PARD6B: variants seen among roughly 807,000 people sequenced by gnomAD.
The protein encoded by PARD6B is par-6 family cell polarity regulator beta.
In PARD6B, 4 loss-of-function variants were observed where a neutral mutation model predicts 10.5. That is an observed-to-expected ratio of 0.38 (90% CI 0.19 to 0.87). The LOEUF (loss-of-function observed/expected upper bound fraction) is 0.87. Among genes scored for constraint, PARD6B ranks in the 40% least tolerant of loss-of-function variants. PARD6B has a pLI of 0.41. For missense variants in PARD6B, 396 were observed against 470.6 expected, an observed-to-expected ratio of 0.84 and a Z score of 1.47; for synonymous variants, 169 against 170.4, an observed-to-expected ratio of 0.99 and a Z score of 0.07.
intron 2 of PARD6B, among the ~76,000 whole-genome samples, chr20:50,742,569 TTAGCC>T (rs917556475): frequency 6.6e-6 from 1 of 151,758 alleles, no homozygotes; most frequent in Non-Finnish European, 1.5e-5. Flanking sequence ...TTTCACGACG[TTAGCC>T]AGGCTGGTCT....
chr20:50,744,105 C>CTTTTTTTTT (rs753435244), intron 2 of PARD6B, among the ~76,000 whole-genome samples: 4 of 77,830 alleles, frequency 5.1e-5, no homozygotes, highest in African/African-American at 1.0e-4. Context: ...GAAGTAGCTT[C>CTTTTTTTTT]TTTTTTTTTT....
At position 50,750,786 on chromosome 20, in the gene PARD6B, T is replaced by G; in HGVS notation, c.*298T>G. The G allele has an allele frequency of 1.8e-6, 2 of 1,127,556 alleles. No individual in the cohort carries two copies. The highest frequency in any genetic ancestry group is 2.2e-6 in the Non-Finnish European group (2 of 917,844). 69.8% of individuals were successfully genotyped at this position (1,127,556 alleles called of 1,614,324 possible). A position where few individuals can be genotyped will look rare whatever the true frequency, so the allele number is the denominator to read the frequency against. On this transcript the variant is annotated 3_prime_UTR_variant, in exon 3 of 3. Transcript: ENST00000371610. ...CATTCTTGGAACTATGTGAGAAGAC[T>G]AGATCATTTCTGTTGGAAGTGGTTG...
chr20:50,738,351 A>G (rs889269040), intron 2 of PARD6B, among the ~76,000 whole-genome samples: 1 of 152,226 alleles, frequency 6.6e-6, no homozygotes, highest in Middle Eastern at 3.2e-3. Context: ...GAAATTGGGA[A>G]TTTATTGAAT....
At chr20:50,746,827 C>A (rs937562091) in intron 2 of PARD6B, among the ~76,000 whole-genome samples, 1 of 152,154 alleles carries the variant, frequency 6.6e-6, no homozygotes, top group African/African-American at 2.4e-5. Context: ...TGGAATTTCC[C>A]TTATAAATGT....
At chr20:50,733,436 CA>C (rs754765392) in intron 1 of PARD6B, among the ~76,000 whole-genome samples, 50 of 151,510 alleles carry the variant, frequency 3.3e-4, no homozygotes, top group Non-Finnish European at 6.0e-4. Context: ...AAAAACAAAA[CA>C]AAACAAAAAC....
chr20:50,752,881 T>G lies in PARD6B; in HGVS notation c.*2393T>G. On this transcript the variant is annotated 3_prime_UTR_variant, in exon 3 of 3. Transcript: ENST00000371610. ...TTATGTAATACGTTGTACTTTTTGT[T>G]GAATTCACCGAAGTTCTTCCATTTA... 1 of 982,756 alleles carries G rather than the reference T, an allele frequency of 1.0e-6. No individual in the cohort carries two copies. The highest frequency in any genetic ancestry group is 1.2e-6 in the Non-Finnish European group (1 of 827,102). 60.9% of individuals were successfully genotyped at this position (982,756 alleles called of 1,614,324 possible). A position where few individuals can be genotyped will look rare whatever the true frequency, so the allele number is the denominator to read the frequency against.
rs916987315 is a variant in PARD6B at position 50,752,735 on chromosome 20, T to G, written c.*2247T>G. On this transcript the variant is annotated 3_prime_UTR_variant, in exon 3 of 3. Transcript: ENST00000371610. The stretch of plus-strand genomic sequence containing the variant: ...CGCTTTGAAGGATGTTTTCTCTATA[T>G]GGTAAAATATATATGAAGAAGTCTT... 1 of 981,778 alleles carries G rather than the reference T, an allele frequency of 1.0e-6. No individual in the cohort carries two copies. The highest frequency in any genetic ancestry group is 1.2e-6 in the Non-Finnish European group (1 of 826,306). 60.8% of individuals were successfully genotyped at this position (981,778 alleles called of 1,614,324 possible).
intron 2 of PARD6B, among the ~76,000 whole-genome samples, chr20:50,739,704 A>G (rs1210842531): frequency 6.6e-6 from 1 of 152,102 alleles, no homozygotes. Flanking sequence ...GTTTCCTGAG[A>G]TGGATCTCAA....
chr20:50,752,327 A>G lies in PARD6B; in HGVS notation c.*1839A>G. On this transcript the variant is annotated 3_prime_UTR_variant, in exon 3 of 3. Coordinates refer to ENST00000371610, the MANE Select transcript of PARD6B (RefSeq NM_032521.3). Reference sequence around the variant, plus strand: ...CATAGGACAAACTTGTGCACTTTTTATGCCAAAAAAAAAAAAAATTGGGTT... The same window carrying G: ...CATAGGACAAACTTGTGCACTTTTTGTGCCAAAAAAAAAAAAAATTGGGTT... 4.4e-6 allele frequency: 4 copies of G among 918,678 alleles called. No individual in the cohort carries two copies. The highest frequency in any genetic ancestry group is 5.0e-6 in the Non-Finnish European group (4 of 804,412). 56.9% of individuals were successfully genotyped at this position (918,678 alleles called of 1,614,324 possible).
Position 50,750,668 on chromosome 20 carries a change from C to T in PARD6B, c.*180C>T, listed in dbSNP as rs1376320899. On this transcript the variant is annotated 3_prime_UTR_variant, in exon 3 of 3. Coordinates refer to ENST00000371610, the MANE Select transcript of PARD6B (RefSeq NM_032521.3). Reference sequence around the variant, plus strand: ...ATTGTTAATATAAACTTTGGTGGATCAGAGGTGAATTTAAGTCCAAAACAA... The same window carrying T: ...ATTGTTAATATAAACTTTGGTGGATTAGAGGTGAATTTAAGTCCAAAACAA... The T allele has an allele frequency of 1.4e-6, 2 of 1,383,008 alleles. No individual in the cohort carries two copies. The highest frequency in any genetic ancestry group is 2.9e-5 in the African/African-American group (2 of 68,046). The allele number at this position is 1,383,008 out of a possible 1,614,324, so 85.7% of individuals were successfully genotyped here.
chr20:50,738,107 G>A, intron 2 of PARD6B, 28 bp downstream of exon 2: 2 of 1,497,746 alleles, frequency 1.3e-6, no homozygotes, highest in East Asian at 2.4e-5. Flanking sequence ...GAAAAATTGT[G>A]TTAGAAATAG....
chr20:50,748,767 C>T (rs2087583212), intron 2 of PARD6B, among the ~76,000 whole-genome samples: 1 of 152,124 alleles, frequency 6.6e-6, no homozygotes, highest in Non-Finnish European at 1.5e-5. Flanking sequence ...GATCCACTCA[C>T]CATGGCCTCC....
At chr20:50,736,114 C>T (rs1002290375) in intron 1 of PARD6B, among the ~76,000 whole-genome samples, 1 of 152,118 alleles carries the variant, frequency 6.6e-6, no homozygotes, top group African/African-American at 2.4e-5. Context: ...GTTTTGGGAA[C>T]TATTTTAATT....
In PARD6B at chr20:50,753,077, T is replaced by C. The variant is rs6096084; in HGVS notation, c.*2589T>C. The C allele has an allele frequency of 1.8e-4, 151 of 837,734 alleles. No individual in the cohort carries two copies. Among genetic ancestry groups the C allele is most frequent in the Non-Finnish European group, 1.9e-4 (139 of 717,670 alleles). The allele number at this position is 837,734 out of a possible 1,614,324, so 51.9% of individuals were successfully genotyped here. On this transcript the variant is annotated 3_prime_UTR_variant, in exon 3 of 3. Transcript: ENST00000371610. ...ATATTTTTACACACTACCTCTCTCTTTTTTTTTTTAAAGTTTTAACATCAG... is the reference window on the plus strand; with the variant it reads ...ATATTTTTACACACTACCTCTCTCTCTTTTTTTTTAAAGTTTTAACATCAG...
chr20:50,733,943 C>T (rs528303937), intron 1 of PARD6B, among the ~76,000 whole-genome samples: 1 of 152,174 alleles, frequency 6.6e-6, no homozygotes, highest in Admixed American at 6.5e-5. Flanking sequence ...TTGCCTTTCT[C>T]TTGTCAACTG....
In PARD6B at chr20:50,752,607, T is replaced by C; in HGVS notation, c.*2119T>C. 1 of 981,918 alleles carries C rather than the reference T, an allele frequency of 1.0e-6. No individual in the cohort carries two copies. The highest frequency in any genetic ancestry group is 1.2e-6 in the Non-Finnish European group (1 of 826,324). The allele number at this position is 981,918 out of a possible 1,614,324, so 60.8% of individuals were successfully genotyped here. On this transcript the variant is annotated 3_prime_UTR_variant, in exon 3 of 3. Transcript: ENST00000371610. ...TACTATGAAGTACATAAGTTCCCTA[T>C]GGCTTATGGAGAGTTATTTATTAAT...
In PARD6B at chr20:50,753,485, AT is replaced by A; in HGVS notation, c.*3000del. ...GAATTTTGTTCTGTATCTTAAGTAA[AT>A]TTATGATAATGTTCTCGAGCTATCA... On this transcript the variant is annotated 3_prime_UTR_variant, in exon 3 of 3. Coordinates refer to ENST00000371610, the MANE Select transcript of PARD6B (RefSeq NM_032521.3). 1 of 973,138 alleles carries A rather than the reference AT, an allele frequency of 1.0e-6. No individual in the cohort carries two copies. Among genetic ancestry groups the A allele is most frequent in the Admixed American group, 6.1e-5 (1 of 16,270 alleles). 60.3% of individuals were successfully genotyped at this position (973,138 alleles called of 1,614,324 possible). A position where few individuals can be genotyped will look rare whatever the true frequency, so the allele number is the denominator to read the frequency against.
intron 2 of PARD6B, among the ~76,000 whole-genome samples, chr20:50,744,863 T>C (rs1387861465): frequency 6.6e-6 from 1 of 152,214 alleles, no homozygotes; most frequent in Admixed American, 6.5e-5. Flanking sequence ...TTCCCCAGCA[T>C]GGTGTGCTTA....
At chr20:50,737,830 TA>T in intron 1 of PARD6B, 26 bp from the exon 2 acceptor site, 1 of 1,381,684 alleles carries the variant, frequency 7.2e-7, no homozygotes, top group Non-Finnish European at 9.6e-7. Context: ...TTTTTTTTTT[TA>T]AGTAATATGT....
Sources: gnomAD v4.1 joint callset for allele counts (sites outside exome capture counted in the v4.1 genomes callset) on GRCh38, gnomAD v4.1.1 for gene constraint, MANE v1.5 for transcripts, NCBI Gene and HGNC (gene_info 2026-07-23, HGNC 2026-07-21) for gene names.